The following ZNF730 variants were observed in gnomAD, a reference collection of about 807,000 sequenced individuals.
The protein encoded by ZNF730 is zinc finger protein 730.
ZNF730 carries 12 observed loss-of-function variants against 12.6 expected under a neutral mutation model. The observed-to-expected ratio is 0.95, with a 90% CI of 0.61 to 1.54. The LOEUF (loss-of-function observed/expected upper bound fraction) is 1.54, where lower values mean the gene tolerates loss of function less well. ZNF730 is among the 40% of genes most tolerant of loss of function. The probability of loss-of-function intolerance (pLI) is 0.00; values close to 1 mark genes in which losing one functional copy is unlikely to be tolerated. For missense variants in ZNF730, 643 were observed against 583.5 expected (o/e 1.10, Z -1.05); for synonymous variants, 194 against 195.8 (o/e 0.99, Z 0.08).
intron 1 of ZNF730, among the ~76,000 whole-genome samples, chr19:23,106,791 CAAAA>C (rs538343920): frequency 6.3e-5 from 4 of 63,640 alleles, no homozygotes; most frequent in East Asian, 5.7e-4. Context: ...AACTGCGTCT[CAAAA>C]AAAAAAAAAA....
At chr19:23,114,512 A>G (rs1285043476), upstream of ZNF730, among the ~76,000 whole-genome samples, 2 of 33,038 alleles carry the variant, frequency 6.1e-5, no homozygotes, top group South Asian at 2.7e-3. Flanking sequence ...TATTTTATTT[A>G]TTTTTATTTA....
At chr19:23,135,362 G>A (rs530829404) in intron 2 of ZNF730, among the ~76,000 whole-genome samples, 22 of 149,000 alleles carry the variant, frequency 1.5e-4, no homozygotes, top group African/African-American at 5.2e-4. Flanking sequence ...TCTAGATTAG[G>A]ATTAATTTTA....
chr19:23,135,322 C>T (rs1383746525), intron 2 of ZNF730, among the ~76,000 whole-genome samples: 1 of 143,528 alleles, frequency 7.0e-6, no homozygotes, highest in Non-Finnish European at 1.5e-5. Context: ...CTGAACTTTC[C>T]ACTTTCCTGA....
At chr19:23,133,237 A>G (rs1056571020) in intron 1 of ZNF730, among the ~76,000 whole-genome samples, 6 of 152,082 alleles carry the variant, frequency 3.9e-5, no homozygotes, top group South Asian at 4.2e-4. Flanking sequence ...GAAAAACTGG[A>G]AAAAAAAGAC....
intron 1 of ZNF730, among the ~76,000 whole-genome samples, chr19:23,086,044 C>T (rs1315659604): frequency 2.6e-5 from 4 of 151,772 alleles, no homozygotes; most frequent in African/African-American, 7.3e-5. Flanking sequence ...GGGGTTTCAC[C>T]GTCGTGGCCA....
chr19:23,119,811 G>A (rs149485326), intron 1 of ZNF730, among the ~76,000 whole-genome samples: 1,709 of 152,098 alleles, frequency 0.011, 31 homozygotes, highest in African/African-American at 0.038. Flanking sequence ...ATGAGACTCC[G>A]TCTCAAAAAT....
chr19:23,086,791 A>G (rs1389866802), intron 1 of ZNF730, among the ~76,000 whole-genome samples: 2 of 152,186 alleles, frequency 1.3e-5, no homozygotes. Context: ...GGAAAGTTTC[A>G]TATGAATTTT....
At chr19:23,133,087 A>G (rs151019803) in intron 1 of ZNF730, among the ~76,000 whole-genome samples, 11 of 152,270 alleles carry the variant, frequency 7.2e-5, no homozygotes, top group Admixed American at 2.6e-4. Flanking sequence ...GGAGTTAATT[A>G]TTTTTCTCTT....
chr19:23,091,167 A>T (rs573205359), intron 1 of ZNF730, among the ~76,000 whole-genome samples: 2 of 152,300 alleles, frequency 1.3e-5, no homozygotes, highest in Non-Finnish European at 2.9e-5. Context: ...TGGAAGCCTC[A>T]AGCCTTGGTA....
At chr19:23,080,995 G>A (rs1393918511) in intron 1 of ZNF730, among the ~76,000 whole-genome samples, 7 of 151,456 alleles carry the variant, frequency 4.6e-5, no homozygotes, top group East Asian at 2.0e-4. Context: ...ACAGGTGCAC[G>A]CCACCACTCC....
chr19:23,108,641 G>GA, intron 1 of ZNF730, among the ~76,000 whole-genome samples: 1 of 152,280 alleles, frequency 6.6e-6, no homozygotes, highest in Middle Eastern at 3.4e-3. Flanking sequence ...AGTAAGTGTT[G>GA]AAAATCATAA....
At chr19:23,107,235 G>A (rs1970403071) in intron 1 of ZNF730, among the ~76,000 whole-genome samples, 1 of 151,386 alleles carries the variant, frequency 6.6e-6, no homozygotes, top group South Asian at 2.1e-4. Flanking sequence ...ACTAATTTTT[G>A]TATTTTTAGT....
chr19:23,125,042 T>G (rs1400606706), intron 1 of ZNF730, among the ~76,000 whole-genome samples: 2 of 152,154 alleles, frequency 1.3e-5, no homozygotes, highest in African/African-American at 4.8e-5. Flanking sequence ...CAAGATCTGA[T>G]GATTTTAAAA....
chr19:23,146,783 A>ACTTACT lies in ZNF730; in HGVS notation c.*227_*228insCTTACT. 2.0e-6 allele frequency: 2 copies of ACTTACT among 1,005,736 alleles called. No homozygotes were observed. Among genetic ancestry groups the ACTTACT allele is most frequent in the Admixed American group, 3.4e-5 (2 of 58,384 alleles). 62.3% of individuals were successfully genotyped at this position (1,005,736 alleles called of 1,614,324 possible). A position where few individuals can be genotyped will look rare whatever the true frequency, so the allele number is the denominator to read the frequency against. On this transcript the variant is annotated 3_prime_UTR_variant, in exon 4 of 4. Coordinates refer to ENST00000597761, the MANE Select transcript of ZNF730 (RefSeq NM_001277403.2). Reference sequence around the variant, plus strand: ...CTTCACACCTTACTACACATAAGATAATTCATACTGGAGAGAAACCCTACA... The same window carrying ACTTACT: ...CTTCACACCTTACTACACATAAGATACTTACTATTCATACTGGAGAGAAACCCTACA...
At chr19:23,103,207 G>A (rs1395158192) in intron 1 of ZNF730, among the ~76,000 whole-genome samples, 1 of 152,162 alleles carries the variant, frequency 6.6e-6, no homozygotes, top group Non-Finnish European at 1.5e-5. Flanking sequence ...GAACCTGAGA[G>A]AATAAAAGGT....
intron 1 of ZNF730, among the ~76,000 whole-genome samples, chr19:23,124,429 T>A (rs1970638434): frequency 6.6e-6 from 1 of 152,224 alleles, no homozygotes; most frequent in African/African-American, 2.4e-5. Flanking sequence ...ACTGAAGAGC[T>A]AGAATCAGGA....
At chr19:23,106,185 G>T (rs542920212) in intron 1 of ZNF730, among the ~76,000 whole-genome samples, 12 of 151,924 alleles carry the variant, frequency 7.9e-5, no homozygotes, top group Admixed American at 2.0e-4. Flanking sequence ...AGAAATAGAA[G>T]GAGGAGGAGA....
At position 23,130,820 on chromosome 19, in the gene ZNF730, G is replaced by C. The variant is rs191893901; in HGVS notation, c.4-3260G>C. Among the ~76,000 whole-genome samples the C allele has an allele frequency of 3.2e-3, 489 of 152,232 alleles. 1 individual carries two copies. Among genetic ancestry groups the C allele is most frequent in the Non-Finnish European group, 5.3e-3 (361 of 68,020 alleles). The stretch of plus-strand genomic sequence containing the variant: ...CTGGAAATATCCCCATTGGCATACA[G>C]AACCAAATTCTAGCTAGGGTCCACT... On this transcript the variant is annotated intron_variant, in intron 1 of 3. Coordinates refer to ENST00000597761, the MANE Select transcript of ZNF730 (RefSeq NM_001277403.2).
In ZNF730 at chr19:23,079,359, C is replaced by G. The variant is rs140138102; in HGVS notation, c.-94+3972C>G. ...TTTAGTGAAGATGAGGGTTTCTCCA[C>G]GTTGGTCAGGCTGGTCTCCAACTCC... On this transcript the variant is annotated intron_variant, in intron 1 of 2. Transcript: ENST00000593635. Among the ~76,000 whole-genome samples the G allele has an allele frequency of 9.0e-3, 1,365 of 152,110 alleles. 28 individuals are homozygous for G. Among genetic ancestry groups the G allele is most frequent in the African/African-American group, 0.032 (1,313 of 41,500 alleles).
Sources: allele counts gnomAD v4.1 joint callset (sites outside exome capture counted in the v4.1 genomes callset), GRCh38; gene constraint gnomAD v4.1.1; transcripts MANE v1.5; gene names NCBI Gene and HGNC (gene_info 2026-07-23, HGNC 2026-07-21).